The following WDPCP variants were observed in gnomAD, a reference collection of about 807,000 sequenced individuals.
WDPCP encodes WD repeat-containing and planar cell polarity effector protein fritz homolog.
WDPCP carries 71 observed loss-of-function variants against 93.1 expected under a neutral mutation model. The ratio of observed to expected loss-of-function variants is 0.76; its 90% CI spans 0.63 to 0.93. The LOEUF is 0.93. WDPCP is among the 40% of genes least tolerant of loss of function. The pLI is 0.00. For missense variants in WDPCP, 844 were observed against 887.4 expected, an observed-to-expected ratio of 0.95 and a Z score of 0.62; for synonymous variants, 315 against 315.0, an observed-to-expected ratio of 1.00 and a Z score of 0.00.
intron 2 of WDPCP, among the ~76,000 whole-genome samples, chr2:63,674,069 C>G (rs1045244051): frequency 2.6e-5 from 4 of 152,178 alleles, no homozygotes; most frequent in African/African-American, 9.7e-5. Flanking sequence ...CTGCCCTGTT[C>G]TTGATCACAA....
intron 3 of WDPCP, among the ~76,000 whole-genome samples, chr2:63,610,357 A>T (rs193143086): frequency 6.6e-6 from 1 of 152,346 alleles, no homozygotes; most frequent in African/African-American, 2.4e-5. Flanking sequence ...TGTTTCCTGA[A>T]CAACAAGTGG....
At chr2:63,639,429 C>A (rs112025080) in intron 3 of WDPCP, among the ~76,000 whole-genome samples, 6 of 152,084 alleles carry the variant, frequency 3.9e-5, no homozygotes, top group African/African-American at 1.4e-4. Flanking sequence ...TACAGGTGTG[C>A]GCAACCTAAC....
At chr2:63,340,552 A>G (rs886477843) in intron 12 of WDPCP, among the ~76,000 whole-genome samples, 16 of 152,176 alleles carry the variant, frequency 1.1e-4, no homozygotes, top group African/African-American at 3.6e-4. Flanking sequence ...AGGGACCCCA[A>G]TATAGTGTGA....
At chr2:63,491,949 G>A (rs1033802694) in intron 2 of WDPCP, among the ~76,000 whole-genome samples, 6 of 152,028 alleles carry the variant, frequency 3.9e-5, no homozygotes, top group South Asian at 2.1e-4. Context: ...CCCCTCTGTC[G>A]AAAGGGTTTA....
intron 13 of WDPCP, among the ~76,000 whole-genome samples, chr2:63,277,190 C>A (rs1327623257): frequency 6.7e-6 from 1 of 150,142 alleles, no homozygotes; most frequent in Non-Finnish European, 1.5e-5. Context: ...GAGAATTCGC[C>A]ACTACCATGC....
At chr2:63,801,569 C>T (rs1354607627) in intron 2 of WDPCP, among the ~76,000 whole-genome samples, 1 of 152,186 alleles carries the variant, frequency 6.6e-6, no homozygotes. Context: ...CCATTTCTGT[C>T]CTATCAGAAT....
At chr2:63,190,916 C>T (rs1428322259) in intron 14 of WDPCP, among the ~76,000 whole-genome samples, 1 of 152,152 alleles carries the variant, frequency 6.6e-6, no homozygotes, top group Non-Finnish European at 1.5e-5. Context: ...AGTGTTTGGT[C>T]TGAAAGATCC....
At chr2:63,635,448 G>T (rs1336767178) in intron 3 of WDPCP, among the ~76,000 whole-genome samples, 1 of 152,080 alleles carries the variant, frequency 6.6e-6, no homozygotes, top group Non-Finnish European at 1.5e-5. Context: ...TATCCCTGAT[G>T]AACACAGATG....
At chr2:63,332,081 T>C (rs555274066) in intron 12 of WDPCP, among the ~76,000 whole-genome samples, 1 of 151,454 alleles carries the variant, frequency 6.6e-6, no homozygotes, top group South Asian at 2.1e-4. Flanking sequence ...TGGGGGGAGA[T>C]ACATATATAT....
intron 12 of WDPCP, among the ~76,000 whole-genome samples, chr2:63,316,974 A>G (rs1247084871): frequency 6.6e-6 from 1 of 152,230 alleles, no homozygotes; most frequent in Non-Finnish European, 1.5e-5. Context: ...AATAAGCAGG[A>G]ATACAGCTAA....
rs188505533 is a variant in WDPCP, at chr2:63,346,435, A to T, written c.1748+31951T>A. Among the ~76,000 whole-genome samples, 826 of 152,290 alleles carry T rather than the reference A, an allele frequency of 5.4e-3. 25 individuals are homozygous for T. The highest frequency in any genetic ancestry group is 0.045 in the Admixed American group (692 of 15,298). ...TGGAGATCTTGAGAATGCACCCCTC[A>T]GATTTCTGACTTCATTCAACAAAAT... On this transcript the variant is annotated intron_variant, in intron 12 of 17. Coordinates refer to ENST00000272321, the MANE Select transcript of WDPCP (RefSeq NM_015910.7).
intron 14 of WDPCP, among the ~76,000 whole-genome samples, chr2:63,214,940 A>G (rs1677185563): frequency 6.6e-6 from 1 of 152,228 alleles, no homozygotes; most frequent in Non-Finnish European, 1.5e-5. Context: ...CACTTCAAGG[A>G]GAATTACAAA....
chr2:63,621,008 C>T (rs1396727121), intron 3 of WDPCP, among the ~76,000 whole-genome samples: 1 of 152,162 alleles, frequency 6.6e-6, no homozygotes, highest in Non-Finnish European at 1.5e-5. Flanking sequence ...AAAACCCCAT[C>T]CGAAGGTCAC....
At chr2:63,494,170 A>G (rs948496436) in intron 1 of WDPCP, among the ~76,000 whole-genome samples, 1 of 152,120 alleles carries the variant, frequency 6.6e-6, no homozygotes, top group African/African-American at 2.4e-5. Flanking sequence ...GCAGCACACA[A>G]GAGGGGCCCA....
intron 3 of WDPCP, chr2:63,607,169 A>C: frequency 2.4e-6 from 1 of 409,624 alleles, no homozygotes; most frequent in Non-Finnish European, 4.3e-6. Flanking sequence ...GTTAGTGTGC[A>C]TTCTAAATAA....
chr2:63,635,275 C>A (rs1157462642), intron 3 of WDPCP, among the ~76,000 whole-genome samples: 1 of 152,110 alleles, frequency 6.6e-6, no homozygotes, highest in Non-Finnish European at 1.5e-5. Context: ...GCTTTACTGG[C>A]AAATTCTACC....
chr2:63,173,154 G>C (rs1574795967), intron 15 of WDPCP, among the ~76,000 whole-genome samples: 1 of 151,998 alleles, frequency 6.6e-6, no homozygotes, highest in East Asian at 1.9e-4. Context: ...TGTAATCCCA[G>C]CTACTATGGA....
At chr2:63,465,871 C>T (rs1194602050) in intron 6 of WDPCP, among the ~76,000 whole-genome samples, 1 of 152,162 alleles carries the variant, frequency 6.6e-6, no homozygotes, top group Admixed American at 6.5e-5. Flanking sequence ...CATAAACTAA[C>T]ATTGAAACTC....
chr2:63,644,346 G>A (rs930291226), intron 3 of WDPCP, among the ~76,000 whole-genome samples: 3 of 147,746 alleles, frequency 2.0e-5, no homozygotes, highest in Non-Finnish European at 4.4e-5. Flanking sequence ...CTGGGTTCAA[G>A]CAATTCTCTG....
Sources: gnomAD v4.1 joint callset for allele counts (sites outside exome capture counted in the v4.1 genomes callset) on GRCh38, gnomAD v4.1.1 for gene constraint, MANE v1.5 for transcripts, NCBI Gene and HGNC (gene_info 2026-07-23, HGNC 2026-07-21) for gene names.